UBR2: variants seen among roughly 807,000 people sequenced by gnomAD.
The protein encoded by UBR2 is E3 ubiquitin-protein ligase UBR2.
In UBR2, 92 loss-of-function variants were observed where a neutral mutation model predicts 247.9. The ratio of observed to expected loss-of-function variants is 0.37; its 90% CI spans 0.31 to 0.44. UBR2 has a LOEUF of 0.44. Ranked by LOEUF, UBR2 falls within the 20% of genes least tolerant of loss-of-function variation. The pLI, the probability that UBR2 is intolerant of heterozygous loss-of-function variation, is 1.00. For missense variants in UBR2, 1,613 were observed against 2,112.6 expected (o/e 0.76, Z 4.64); for synonymous variants, 672 against 693.5 (o/e 0.97, Z 0.49).
chr6:42,664,301 A>C (rs1308149523), intron 32 of UBR2: 1 of 152,250 alleles, frequency 6.6e-6, no homozygotes, highest in Non-Finnish European at 1.5e-5. Context: ...CAGACTAAAA[A>C]AAAATAAGAA....
intron 40 of UBR2, 119 bp from the exon 41 acceptor site, chr6:42,678,420 T>C: frequency 8.8e-7 from 1 of 1,140,024 alleles, no homozygotes; most frequent in Non-Finnish European, 1.2e-6. Flanking sequence ...GCCTGTTAAC[T>C]CACAACTTTT....
chr6:42,670,609 TAA>T, intron 35 of UBR2, 49 bp from the exon 36 acceptor site: 1 of 1,300,220 alleles, frequency 7.7e-7, no homozygotes, highest in Non-Finnish European at 1.1e-6. Flanking sequence ...AAAATTATAT[TAA>T]AATATACATA....
At chr6:42,645,273 C>A (rs550421667) in intron 20 of UBR2, among the ~76,000 whole-genome samples, 193 bp from the exon 21 acceptor site, 1 of 152,296 alleles carries the variant, frequency 6.6e-6, no homozygotes, top group African/African-American at 2.4e-5. Flanking sequence ...CCTGCCCTCA[C>A]GTTTTGGGTC....
rs942047313 is a variant in UBR2 at position 42,586,748 on chromosome 6, C to T, written c.339-5403C>T. ...TTTTTACTACTTCGTGTAAAATAAA[C>T]GAACCTTGCATTTATAGTTACATTT... On this transcript the variant is annotated intron_variant, in intron 2 of 46. Coordinates refer to ENST00000372901, the MANE Select transcript of UBR2 (RefSeq NM_001363705.2). Among the ~76,000 whole-genome samples, 7 of 150,968 alleles carry T rather than the reference C, an allele frequency of 4.6e-5. No individual in the cohort carries two copies. In the East Asian group the frequency reaches 9.7e-4, roughly 21 times the overall value.
At chr6:42,675,963 A>C (rs796692808) in intron 38 of UBR2, 93 bp from the exon 39 acceptor site, 15 of 1,493,264 alleles carry the variant, frequency 1.0e-5, no homozygotes, top group Middle Eastern at 1.8e-4. Context: ...TCTCAAAAAA[A>C]AAATCAAAAT....
At position 42,615,058 on chromosome 6, in the gene UBR2, C is replaced by T; in HGVS notation, c.986-13C>T. 1 of 1,607,204 alleles carries T rather than the reference C, an allele frequency of 6.2e-7. No homozygotes were observed. The highest frequency in any genetic ancestry group is 8.5e-7 in the Non-Finnish European group (1 of 1,176,550). On this transcript the variant is annotated splice_polypyrimidine_tract_variant and intron_variant, in intron 8 of 46. Transcript: ENST00000372901. ...AAGTTGCTATCTCATTCTACCTTTC[C>T]TTCTATTTAAAGATGGCCTTCGCCG...
intron 23 of UBR2, among the ~76,000 whole-genome samples, chr6:42,651,514 T>A (rs1797110980): frequency 6.6e-6 from 1 of 152,094 alleles, no homozygotes; most frequent in African/African-American, 2.4e-5. Flanking sequence ...TTTATTTTTT[T>A]TGAGATAGGG....
At chr6:42,625,048 C>T (rs1195926505) in intron 11 of UBR2, among the ~76,000 whole-genome samples, 3 of 152,140 alleles carry the variant, frequency 2.0e-5, no homozygotes, top group Non-Finnish European at 4.4e-5. Flanking sequence ...CCCAGAATGA[C>T]CAAGGACAGC....
chr6:42,583,815 C>A (rs563618209), intron 2 of UBR2, among the ~76,000 whole-genome samples: 51 of 151,912 alleles, frequency 3.4e-4, no homozygotes, highest in Middle Eastern at 3.4e-3. Flanking sequence ...TGAGCCACCG[C>A]GCCCGGCCTC....
Position 42,652,223 on chromosome 6 carries a change from T to C in UBR2, c.2614+152T>C, listed in dbSNP as rs1264931510. 1.2e-5 allele frequency: 10 copies of C among 855,194 alleles called. No individual in the cohort carries two copies. In the Admixed American group the frequency reaches 1.2e-4, roughly 10 times the overall value. 53.0% of individuals were successfully genotyped at this position (855,194 alleles called of 1,614,324 possible). A position where few individuals can be genotyped will look rare whatever the true frequency, so the allele number is the denominator to read the frequency against. The stretch of plus-strand genomic sequence containing the variant: ...CTCCTATTCAGAGGAATAATAAATA[T>C]GTTAACACAGAAATAGTTTGTGCTA... On this transcript the variant is annotated intron_variant, in intron 24 of 46. Coordinates refer to ENST00000372901, the MANE Select transcript of UBR2 (RefSeq NM_001363705.2).
chr6:42,645,679 T>G, intron 21 of UBR2, 89 bp downstream of exon 21: 1 of 1,357,804 alleles, frequency 7.4e-7, no homozygotes, highest in Non-Finnish European at 1.0e-6. Context: ...TGTATACCTT[T>G]CTCACAATTG....
At position 42,674,182 on chromosome 6, in the gene UBR2, T is replaced by C. The variant is rs1412825655; in HGVS notation, c.4240T>C (p.Phe1414Leu). The C allele has an allele frequency of 6.2e-7, 1 of 1,613,842 alleles. No individual in the cohort carries two copies. The highest frequency in any genetic ancestry group is 1.3e-5 in the African/African-American group (1 of 75,030). ...ELPCILDIDM[F>L]HLLVGLVLAF... ...TCCATGCATATTAGATATTGACATG[T>C]TTCATTTATTGGTGGGTATTGTGCA... Residue 1414 changes from phenylalanine (F) to leucine (L), a missense_variant, in exon 38 of 47, where the codon TTT becomes CTT. By Grantham distance (22) the Phe-to-Leu change is conservative. Transcript: ENST00000372901.
At chr6:42,685,129 TG>T (rs1337135714) in intron 44 of UBR2, among the ~76,000 whole-genome samples, 1 of 152,072 alleles carries the variant, frequency 6.6e-6, no homozygotes, top group Non-Finnish European at 1.5e-5. Context: ...GCCAAACCCT[TG>T]GTGAAACCCT....
chr6:42,564,232 G>C lies in UBR2; in HGVS notation c.-88G>C, dbSNP rs1790641090. 1.4e-6 allele frequency: 2 copies of C among 1,469,746 alleles called. No individual in the cohort carries two copies. Among genetic ancestry groups the C allele is most frequent in the Admixed American group, 4.1e-5 (2 of 49,042 alleles). 91.0% of individuals were successfully genotyped at this position (1,469,746 alleles called of 1,614,324 possible). ...GACGGCTCCGGGACTGATTGCCTGGGGCAGGGGTGGCAGTCGAGGCCGCCG... is the reference window on the plus strand; with the variant it reads ...GACGGCTCCGGGACTGATTGCCTGGCGCAGGGGTGGCAGTCGAGGCCGCCG... On this transcript the variant is annotated 5_prime_UTR_variant, in exon 1 of 47. Coordinates refer to ENST00000372901, the MANE Select transcript of UBR2 (RefSeq NM_001363705.2).
At chr6:42,567,775 C>A (rs1790870571) in intron 1 of UBR2, among the ~76,000 whole-genome samples, 1 of 152,082 alleles carries the variant, frequency 6.6e-6, no homozygotes, top group Admixed American at 6.6e-5. Context: ...CTGGCTCATG[C>A]CAGTAATCCC....
chr6:42,626,708 T>G (rs1257573382), intron 11 of UBR2, among the ~76,000 whole-genome samples: 1 of 152,312 alleles, frequency 6.6e-6, no homozygotes, highest in Non-Finnish European at 1.5e-5. Context: ...CTGGAGTTCT[T>G]CCCTAGAATT....
At chr6:42,627,805 C>A (rs949442256) in intron 11 of UBR2, among the ~76,000 whole-genome samples, 3 of 152,132 alleles carry the variant, frequency 2.0e-5, no homozygotes, top group African/African-American at 7.2e-5. Context: ...AGCCACCACA[C>A]CCAGCCTTTG....
At chr6:42,686,708 G>GC (rs1372321016) in intron 44 of UBR2, among the ~76,000 whole-genome samples, 2 of 147,104 alleles carry the variant, frequency 1.4e-5, no homozygotes, top group Admixed American at 6.8e-5. Context: ...GGTGGGAGCT[G>GC]CCCCCCACCT....
In UBR2 at chr6:42,680,277, C is replaced by T. The variant is rs1018059192; in HGVS notation, c.4718+445C>T. Among the ~76,000 whole-genome samples, 5 of 152,260 alleles carry T rather than the reference C, an allele frequency of 3.3e-5. No homozygotes were observed. In the East Asian group the frequency reaches 9.6e-4, roughly 29 times the overall value. ...CTGGGATTACAGGTGTGAGCCACCG[C>T]ACCTGGCCTATGAGTAGGCCTTTTT... On this transcript the variant is annotated intron_variant, in intron 42 of 46. Transcript: ENST00000372901.
Sources: gnomAD v4.1 joint callset for allele counts (sites outside exome capture counted in the v4.1 genomes callset) on GRCh38, gnomAD v4.1.1 for gene constraint, MANE v1.5 for transcripts, NCBI Gene and HGNC (gene_info 2026-07-23, HGNC 2026-07-21) for gene names.